LMO7: variants seen among roughly 807,000 people sequenced by gnomAD.
LMO7 encodes the protein LIM domain only protein 7.
A neutral mutation model predicts 206.5 loss-of-function variants in LMO7; 120 were observed. The ratio of observed to expected loss-of-function variants is 0.58; its 90% CI spans 0.50 to 0.68. The LOEUF is 0.68. Ranked by LOEUF, LMO7 falls within the 30% of genes least tolerant of loss-of-function variation. LMO7 has a pLI of 0.00. For missense variants in LMO7, 1,959 were observed against 1,957.9 expected (o/e 1.00, Z -0.01); for synonymous variants, 706 against 681.5 (o/e 1.04, Z -0.56).
At chr13:75,735,055 G>A (rs556108293) in intron 3 of LMO7, among the ~76,000 whole-genome samples, 101 of 150,292 alleles carry the variant, frequency 6.7e-4, no homozygotes, top group African/African-American at 1.6e-3. Context: ...CCGAGATCAC[G>A]CCACTGAACT....
At chr13:75,794,333 A>AGAGGTGC (rs1391159357) in intron 4 of LMO7, among the ~76,000 whole-genome samples, 1 of 152,136 alleles carries the variant, frequency 6.6e-6, no homozygotes, top group Non-Finnish European at 1.5e-5. Context: ...GAGGTGGGTA[A>AGAGGTGC]GAGGTGCATG....
At position 75,787,305 on chromosome 13, in the gene LMO7, A is replaced by G. The variant is rs796831755; in HGVS notation, c.318-8096A>G. On this transcript the variant is annotated intron_variant, in intron 4 of 30. Coordinates refer to ENST00000377534, the MANE Select transcript of LMO7 (RefSeq NM_001306080.2). ...ACAAAAAGTAGAAAAGAAGCATTAT[A>G]AGTCTCTGGTTGAGAGGGTTAGGGA... is the stretch of plus-strand genomic sequence containing the variant. Among the ~76,000 whole-genome samples, 5 of 152,208 alleles carry G rather than the reference A, an allele frequency of 3.3e-5. No homozygotes were observed. The South Asian group carries it at 8.3e-4, about 25-fold the overall frequency.
chr13:75,822,762 C>CTATATATA (rs66789925), intron 14 of LMO7, among the ~76,000 whole-genome samples: 1,721 of 108,308 alleles, frequency 0.016, 21 homozygotes, highest in Admixed American at 0.029. Flanking sequence ...TTTTTAGAAA[C>CTATATATA]TATATATATA....
chr13:75,856,719 T>G, intron 30 of LMO7, 111 bp downstream of exon 30: 1 of 696,742 alleles, frequency 1.4e-6, no homozygotes, highest in East Asian at 2.6e-5. Context: ...TGCCATAGGA[T>G]TCCAGGTTTC....
At chr13:75,660,325 T>C (rs1367724275) in intron 1 of LMO7, among the ~76,000 whole-genome samples, 2 of 152,220 alleles carry the variant, frequency 1.3e-5, no homozygotes, top group East Asian at 3.8e-4. Flanking sequence ...CTGTAGCTTA[T>C]CCTTTAAAAA....
intron 22 of LMO7, 152 bp downstream of exon 22, chr13:75,840,647 T>A: frequency 1.0e-6 from 1 of 955,178 alleles, no homozygotes; most frequent in Non-Finnish European, 1.5e-6. Context: ...ATAAAACAAT[T>A]ACTTTTCCAT....
chr13:75,843,832 C>T (rs1324706405), intron 25 of LMO7, among the ~76,000 whole-genome samples: 1 of 152,176 alleles, frequency 6.6e-6, no homozygotes, highest in East Asian at 1.9e-4. Context: ...TTTTGTCTTA[C>T]TTATTAGATA....
rs913470460 is a variant in LMO7 at position 75,663,091 on chromosome 13, A to C, written c.69+26365A>C. On this transcript the variant is annotated intron_variant, in intron 1 of 30. Coordinates refer to ENST00000377534, the MANE Select transcript of LMO7 (RefSeq NM_001306080.2). ...ACTTATGGATTGAGTATATTTTCCC[A>C]TGGGTCATTGTAGTTGCTAATTAAA... Among the ~76,000 whole-genome samples the C allele has an allele frequency of 8.6e-5, 13 of 151,884 alleles. No homozygotes were observed. The South Asian group carries it at 2.5e-3, about 29-fold the overall frequency.
intron 13 of LMO7, 112 bp downstream of exon 13, chr13:75,819,647 A>C: frequency 9.2e-7 from 1 of 1,085,882 alleles, no homozygotes; most frequent in African/African-American, 1.6e-5. Flanking sequence ...ATTCAACTTT[A>C]GTCAAATATG....
intron 3 of LMO7, among the ~76,000 whole-genome samples, chr13:75,737,342 C>CA (rs1271584282): frequency 1.3e-5 from 2 of 151,746 alleles, no homozygotes; most frequent in Non-Finnish European, 2.9e-5. Flanking sequence ...AATTGTAAGA[C>CA]AAAAAATCTT....
intron 1 of LMO7, among the ~76,000 whole-genome samples, chr13:75,681,225 A>C (rs2040457517): frequency 6.6e-6 from 1 of 152,128 alleles, no homozygotes; most frequent in African/African-American, 2.4e-5. Context: ...TTTTGCCATG[A>C]AATCTTTGCC....
At chr13:75,625,688 G>A (rs755952892) in intron 2 of LMO7, among the ~76,000 whole-genome samples, 26 of 152,178 alleles carry the variant, frequency 1.7e-4, no homozygotes, top group Admixed American at 3.9e-4. Context: ...GAGATTTATA[G>A]TAGAGTCATG....
At chr13:75,660,815 T>G (rs762107658) in intron 1 of LMO7, among the ~76,000 whole-genome samples, 5 of 152,114 alleles carry the variant, frequency 3.3e-5, no homozygotes, top group Non-Finnish European at 5.9e-5. Context: ...CTTGAGTCTT[T>G]GAGGTTTTGT....
At chr13:75,645,760 C>T (rs2036952528) in intron 1 of LMO7, among the ~76,000 whole-genome samples, 1 of 152,166 alleles carries the variant, frequency 6.6e-6, no homozygotes, top group African/African-American at 2.4e-5. Flanking sequence ...CCCTTCATTG[C>T]CCTCTAGGTT....
Position 75,853,205 on chromosome 13 carries a change from G to T in LMO7, c.4478G>T (p.Arg1493Leu), listed in dbSNP as rs148976908. ...YASSSVQDFS[R>L]PPPQLVSTSN... Reference sequence around the variant, plus strand: ...TCTTCCTCTGTGCAAGACTTTAGTCGCCCACCACCTCAGCTGGTGTCCACA... The same window carrying T: ...TCTTCCTCTGTGCAAGACTTTAGTCTCCCACCACCTCAGCTGGTGTCCACA... The change falls in exon 28 of 31, where the codon CGC (arginine) becomes CTC (leucine). Residue 1493 changes from arginine (R) to leucine (L), a missense_variant. Coordinates refer to ENST00000377534, the MANE Select transcript of LMO7 (RefSeq NM_001306080.2). 12 of 1,613,872 alleles carry T rather than the reference G, an allele frequency of 7.4e-6. No individual in the cohort carries two copies. The highest frequency in any genetic ancestry group is 1.3e-5 in the African/African-American group (1 of 74,944).
intron 1 of LMO7, among the ~76,000 whole-genome samples, chr13:75,637,190 AAAG>A (rs2036003715): frequency 7.5e-6 from 1 of 134,160 alleles, no homozygotes; most frequent in South Asian, 2.8e-4. Flanking sequence ...GGGGAGCGGA[AAAG>A]AAGGGTGGGT....
intron 4 of LMO7, among the ~76,000 whole-genome samples, chr13:75,783,330 C>CT (rs943319307): frequency 7.0e-4 from 106 of 151,936 alleles, no homozygotes; most frequent in African/African-American, 2.1e-3. Flanking sequence ...TGATATGTTC[C>CT]TTTTTTTTGA....
intron 19 of LMO7, among the ~76,000 whole-genome samples, chr13:75,836,789 A>T (rs761049889): frequency 6.6e-6 from 1 of 152,196 alleles, no homozygotes; most frequent in African/African-American, 2.4e-5. Flanking sequence ...TTAGTTAAGC[A>T]TGAAACTATG....
At chr13:75,737,321 G>C (rs1311692781) in intron 3 of LMO7, among the ~76,000 whole-genome samples, 1 of 152,060 alleles carries the variant, frequency 6.6e-6, no homozygotes, top group East Asian at 1.9e-4. Context: ...TTTTGGACTT[G>C]TAGCATCCAG....
Sources: gnomAD v4.1 joint callset for allele counts (sites outside exome capture counted in the v4.1 genomes callset) on GRCh38, gnomAD v4.1.1 for gene constraint, MANE v1.5 for transcripts, NCBI Gene and HGNC (gene_info 2026-07-23, HGNC 2026-07-21) for gene names.